The following BORCS5 variants were observed in gnomAD, a reference collection of about 807,000 sequenced individuals.
BORCS5 encodes the protein BLOC-1 related complex subunit 5.
BORCS5 carries 17 observed loss-of-function variants against 22.1 expected under a neutral mutation model. That is an observed-to-expected ratio of 0.77 (90% CI 0.53 to 1.15). BORCS5 has a LOEUF of 1.15. Ranked by LOEUF, BORCS5 falls within the 50% of genes most tolerant of loss-of-function variation. The pLI, the probability that BORCS5 is intolerant of heterozygous loss-of-function variation, is 0.00. For missense variants in BORCS5, 247 were observed against 253.2 expected (o/e 0.98, Z 0.17); for synonymous variants, 117 against 99.8 (o/e 1.17, Z -1.03).
chr12:12,456,712 A>G (rs773041243), intron 3 of BORCS5, among the ~76,000 whole-genome samples: 11 of 152,116 alleles, frequency 7.2e-5, no homozygotes, highest in Non-Finnish European at 1.3e-4. Flanking sequence ...ATATAGATTA[A>G]AAACACATGG....
chr12:12,453,235 T>G (rs1208073881), intron 3 of BORCS5, among the ~76,000 whole-genome samples: 1 of 152,198 alleles, frequency 6.6e-6, no homozygotes, highest in Non-Finnish European at 1.5e-5. Context: ...TTTTAAAAAA[T>G]GAATGCTGTC....
chr12:12,357,294 C>G lies in BORCS5; in HGVS notation c.-158C>G, dbSNP rs1162430923. ...CCTTCTCCCGCCGCCCAGGCCCCTG[C>G]GTGGGCTGGACGCGTCAGCCCCACA... On this transcript the variant is annotated 5_prime_UTR_variant, in exon 1 of 4. Coordinates refer to ENST00000314565, the MANE Select transcript of BORCS5 (RefSeq NM_058169.6). 8 of 1,455,684 alleles carry G rather than the reference C, an allele frequency of 5.5e-6. No homozygotes were observed. In the East Asian group the frequency reaches 2.0e-4, roughly 36 times the overall value. 90.2% of individuals were successfully genotyped at this position (1,455,684 alleles called of 1,614,324 possible).
chr12:12,426,182 A>G (rs1256060070), intron 2 of BORCS5, among the ~76,000 whole-genome samples: 2 of 152,156 alleles, frequency 1.3e-5, no homozygotes, highest in African/African-American at 4.8e-5. Flanking sequence ...TGGTAAGTTC[A>G]AACAGAGAGC....
At chr12:12,452,183 AT>A in intron 3 of BORCS5, 1 of 591,330 alleles carries the variant, frequency 1.7e-6, no homozygotes, top group Non-Finnish European at 3.3e-6. Flanking sequence ...GAAGATTCAC[AT>A]TTTTTACAGC....
chr12:12,446,554 G>A (rs1942795176), intron 3 of BORCS5, among the ~76,000 whole-genome samples: 2 of 152,196 alleles, frequency 1.3e-5, no homozygotes, highest in Non-Finnish European at 2.9e-5. Flanking sequence ...TTAGTTGGTA[G>A]GAGACTTGCA....
intron 2 of BORCS5, among the ~76,000 whole-genome samples, chr12:12,375,149 T>A (rs964188002): frequency 4.6e-5 from 7 of 152,190 alleles, no homozygotes; most frequent in Middle Eastern, 3.4e-3. Context: ...GTAGCTGATA[T>A]TACAGGTGCC....
intron 1 of BORCS5, among the ~76,000 whole-genome samples, chr12:12,357,721 A>AGTGCC (rs1863177407): frequency 6.6e-6 from 1 of 152,092 alleles, no homozygotes; most frequent in Non-Finnish European, 1.5e-5. Flanking sequence ...CGTGGGCGCC[A>AGTGCC]GTGCCCTTAT....
At chr12:12,396,044 G>C (rs931720053) in intron 2 of BORCS5, among the ~76,000 whole-genome samples, 2 of 152,030 alleles carry the variant, frequency 1.3e-5, no homozygotes, top group Admixed American at 6.6e-5. Context: ...GCCCAGGCTG[G>C]AGTGCAGTGG....
intron 2 of BORCS5, among the ~76,000 whole-genome samples, chr12:12,386,268 T>C (rs769407596): frequency 2.0e-5 from 3 of 151,170 alleles, no homozygotes; most frequent in Non-Finnish European, 4.4e-5. Flanking sequence ...CCCAAAGTGC[T>C]GGGATTACAG....
At chr12:12,409,664 A>G (rs957806140) in intron 2 of BORCS5, among the ~76,000 whole-genome samples, 3 of 152,114 alleles carry the variant, frequency 2.0e-5, no homozygotes, top group Admixed American at 6.5e-5. Flanking sequence ...AGTCTTTGCT[A>G]TTGTGAATAG....
chr12:12,410,853 C>A (rs1046784155), intron 2 of BORCS5, among the ~76,000 whole-genome samples: 1 of 152,094 alleles, frequency 6.6e-6, no homozygotes, highest in East Asian at 1.9e-4. Flanking sequence ...TTCTTCCTAC[C>A]CATGAGCATG....
At position 12,389,988 on chromosome 12, in the gene BORCS5, T is replaced by C. The variant is rs186359017; in HGVS notation, c.202+28639T>C. On this transcript the variant is annotated intron_variant, in intron 2 of 3. Transcript: ENST00000314565. ...TCATTTCCCACTGTGTGCTTTGTAT[T>C]GAGCTCCAGGCCAAATCGGACTGTT... 2.2e-3 allele frequency among the ~76,000 whole-genome samples: 335 copies of C among 152,232 alleles called. 4 individuals are homozygous for C. The highest frequency in any genetic ancestry group is 7.0e-3 in the African/African-American group (291 of 41,508).
At chr12:12,412,573 A>T (rs1941763691) in intron 2 of BORCS5, among the ~76,000 whole-genome samples, 1 of 152,146 alleles carries the variant, frequency 6.6e-6, no homozygotes, top group Non-Finnish European at 1.5e-5. Flanking sequence ...GAACAGACAT[A>T]ATTTAACTTC....
chr12:12,393,757 TA>T (rs62818860), intron 2 of BORCS5, among the ~76,000 whole-genome samples: 142,893 of 142,894 alleles, frequency 1, 71,446 homozygotes, highest in Non-Finnish European at 1. Context: ...TGACTTCAGG[TA>T]GATCTGCCCG....
At chr12:12,389,790 C>T (rs1941121963) in intron 2 of BORCS5, among the ~76,000 whole-genome samples, 1 of 152,072 alleles carries the variant, frequency 6.6e-6, no homozygotes, top group South Asian at 2.1e-4. Flanking sequence ...ATTACAGGCA[C>T]ATGCCGCCAC....
chr12:12,364,824 G>A (rs774498583), intron 2 of BORCS5, among the ~76,000 whole-genome samples: 15 of 152,142 alleles, frequency 9.9e-5, no homozygotes, highest in African/African-American at 1.9e-4. Flanking sequence ...AAACTTAGCC[G>A]GGCATGGTGG....
At chr12:12,362,959 T>A (rs907266526) in intron 2 of BORCS5, among the ~76,000 whole-genome samples, 21 of 151,644 alleles carry the variant, frequency 1.4e-4, no homozygotes, top group African/African-American at 4.8e-4. Context: ...CCTACTCATC[T>A]TCTTAGTTTT....
chr12:12,418,283 C>A (rs1942024300), intron 2 of BORCS5, among the ~76,000 whole-genome samples: 1 of 151,604 alleles, frequency 6.6e-6, no homozygotes, highest in Non-Finnish European at 1.5e-5. Flanking sequence ...CGTGATCTGC[C>A]CACCTTGGCC....
intron 1 of BORCS5, 86 bp from the exon 2 acceptor site, chr12:12,361,120 T>A: frequency 1.5e-6 from 2 of 1,325,842 alleles, no homozygotes; most frequent in Non-Finnish European, 2.1e-6. Flanking sequence ...ATAAAATTAT[T>A]CTTTTTAATC....
Sources: allele counts gnomAD v4.1 joint callset (sites outside exome capture counted in the v4.1 genomes callset), GRCh38; gene constraint gnomAD v4.1.1; transcripts MANE v1.5; gene names NCBI Gene and HGNC (gene_info 2026-07-23, HGNC 2026-07-21).